Variants in ITFG1 observed in about 807,000 individuals in gnomAD.
The protein encoded by ITFG1 is integrin alpha FG-GAP repeat containing 1, also known as T-cell immunomodulatory protein.
A neutral mutation model predicts 81.8 loss-of-function variants in ITFG1; 34 were observed. That is an observed-to-expected ratio of 0.42 (90% CI 0.32 to 0.55). The LOEUF is 0.55. Among genes scored for constraint, ITFG1 ranks in the 20% least tolerant of loss-of-function variants. ITFG1 has a pLI of 0.17. For missense variants in ITFG1, 672 were observed against 755.4 expected (o/e 0.89, Z 1.29); for synonymous variants, 285 against 270.6 (o/e 1.05, Z -0.52).
chr16:47,317,720 C>T (rs565203552), intron 8 of ITFG1: 1 of 152,296 alleles, frequency 6.6e-6, no homozygotes, highest in East Asian at 1.9e-4. Flanking sequence ...CTACACTGGT[C>T]CCCCATTGAT....
intron 10 of ITFG1, among the ~76,000 whole-genome samples, chr16:47,304,993 C>A (rs1258846932): frequency 1.3e-5 from 2 of 152,018 alleles, no homozygotes; most frequent in Non-Finnish European, 2.9e-5. Context: ...GATTCAACAG[C>A]TAAAAAGCTT....
At chr16:47,341,284 T>C (rs1427790427) in intron 8 of ITFG1, among the ~76,000 whole-genome samples, 1 of 147,746 alleles carries the variant, frequency 6.8e-6, no homozygotes, top group Non-Finnish European at 1.5e-5. Context: ...AATAAATAAA[T>C]AATAAAATTA....
At chr16:47,286,529 A>G (rs1966869887) in intron 10 of ITFG1, among the ~76,000 whole-genome samples, 1 of 151,894 alleles carries the variant, frequency 6.6e-6, no homozygotes, top group Non-Finnish European at 1.5e-5. Flanking sequence ...AATCACACCT[A>G]CTTGGGAGGC....
chr16:47,359,222 T>C (rs1968078872), intron 8 of ITFG1, among the ~76,000 whole-genome samples: 1 of 152,218 alleles, frequency 6.6e-6, no homozygotes, highest in African/African-American at 2.4e-5. Context: ...GTCTTCTAAA[T>C]GGCAGTTAAA....
intron 6 of ITFG1, among the ~76,000 whole-genome samples, chr16:47,409,964 T>C (rs2151602561): frequency 6.6e-6 from 1 of 152,014 alleles, no homozygotes; most frequent in African/African-American, 2.4e-5. Context: ...TAGAAATAAA[T>C]ATTATTAAAA....
At chr16:47,405,418 G>A (rs1305961973) in intron 6 of ITFG1, among the ~76,000 whole-genome samples, 2 of 151,998 alleles carry the variant, frequency 1.3e-5, no homozygotes, top group Non-Finnish European at 2.9e-5. Flanking sequence ...TATTTTTGTG[G>A]GCAATATATA....
chr16:47,332,386 A>C (rs1005803527), intron 8 of ITFG1, among the ~76,000 whole-genome samples: 1 of 152,138 alleles, frequency 6.6e-6, no homozygotes, highest in Non-Finnish European at 1.5e-5. Context: ...AAGGTGCACA[A>C]GGAATTCTAT....
chr16:47,223,670 A>C (rs1434348801), intron 13 of ITFG1, among the ~76,000 whole-genome samples: 2 of 152,138 alleles, frequency 1.3e-5, no homozygotes, highest in East Asian at 3.9e-4. Context: ...TTCCTCAGGG[A>C]TCTAGAACTA....
intron 7 of ITFG1, among the ~76,000 whole-genome samples, chr16:47,373,418 A>T (rs1023825965): frequency 6.6e-6 from 1 of 152,120 alleles, no homozygotes; most frequent in African/African-American, 2.4e-5. Flanking sequence ...AATAGCTGGG[A>T]CTACAGGTGT....
At chr16:47,184,277 A>G (rs1965178313) in intron 14 of ITFG1, among the ~76,000 whole-genome samples, 1 of 152,202 alleles carries the variant, frequency 6.6e-6, no homozygotes, top group Admixed American at 6.5e-5. Flanking sequence ...AATACAGAGA[A>G]CGCCACAAAG....
intron 10 of ITFG1, among the ~76,000 whole-genome samples, chr16:47,265,759 T>C (rs1445057832): frequency 1.3e-5 from 2 of 152,112 alleles, no homozygotes; most frequent in Non-Finnish European, 2.9e-5. Context: ...ACAATATCAA[T>C]ACTGACATGA....
At chr16:47,202,768 T>C (rs1965442740) in intron 14 of ITFG1, among the ~76,000 whole-genome samples, 1 of 152,130 alleles carries the variant, frequency 6.6e-6, no homozygotes, top group Non-Finnish European at 1.5e-5. Context: ...ATACAATACG[T>C]GCAATATTGG....
At chr16:47,460,169 C>G (rs1295098429) in intron 1 of ITFG1, among the ~76,000 whole-genome samples, 1 of 152,212 alleles carries the variant, frequency 6.6e-6, no homozygotes, top group Non-Finnish European at 1.5e-5. Context: ...AAGGAGTACA[C>G]GAAAGAACAG....
At chr16:47,222,413 CT>C (rs1043034196) in intron 13 of ITFG1, among the ~76,000 whole-genome samples, 178 of 130,910 alleles carry the variant, frequency 1.4e-3, no homozygotes, top group African/African-American at 2.1e-3. Context: ...GAGTTTCTTT[CT>C]TTTTTTTTTT....
At chr16:47,285,311 G>A (rs1966865717) in intron 10 of ITFG1, among the ~76,000 whole-genome samples, 1 of 152,192 alleles carries the variant, frequency 6.6e-6, no homozygotes, top group South Asian at 2.1e-4. Context: ...ATTGCTGGAG[G>A]GGGTTGTGCC....
At chr16:47,422,767 GT>G (rs201316653) in intron 6 of ITFG1, among the ~76,000 whole-genome samples, 28 of 151,424 alleles carry the variant, frequency 1.8e-4, no homozygotes, top group Middle Eastern at 3.4e-3. Context: ...AGATTTTCCA[GT>G]TTTTTTTTCC....
intron 10 of ITFG1, among the ~76,000 whole-genome samples, chr16:47,276,854 C>T (rs1966403104): frequency 6.6e-6 from 1 of 151,922 alleles, no homozygotes; most frequent in Admixed American, 6.6e-5. Flanking sequence ...ATGCAATACA[C>T]AAAAATAAAG....
At chr16:47,395,851 T>C (rs1968586440) in intron 6 of ITFG1, among the ~76,000 whole-genome samples, 1 of 152,210 alleles carries the variant, frequency 6.6e-6, no homozygotes. Context: ...GAAAATACAA[T>C]GTTATTGCCT....
rs1377865712 is a variant in ITFG1 at position 47,163,398 on chromosome 16, G to A, written c.1454-734C>T. On this transcript the variant is annotated intron_variant, in intron 14 of 17. Transcript: ENST00000320640. ...TCATATAAATGCAATCATACAATGT[G>A]GTCTTTTGTGACTGGCTTCTTTCAC... Among the ~76,000 whole-genome samples the A allele has an allele frequency of 2.0e-5, 3 of 152,208 alleles. No homozygotes were observed. The East Asian group carries it at 5.8e-4, about 29-fold the overall frequency.
Sources: gnomAD v4.1 joint callset for allele counts (sites outside exome capture counted in the v4.1 genomes callset) on GRCh38, gnomAD v4.1.1 for gene constraint, MANE v1.5 for transcripts, NCBI Gene and HGNC (gene_info 2026-07-23, HGNC 2026-07-21) for gene names.